Variants in GRID2IP observed in about 807,000 individuals in gnomAD.
GRID2IP encodes delphilin.
Under a neutral mutation model 114.3 loss-of-function variants are expected in GRID2IP, and 78 were observed. The ratio of observed to expected loss-of-function variants is 0.68; its 90% CI spans 0.57 to 0.82. The LOEUF (loss-of-function observed/expected upper bound fraction) is 0.82, where lower values mean the gene tolerates loss of function less well. Ranked by LOEUF, GRID2IP falls within the 40% of genes least tolerant of loss-of-function variation. The probability of loss-of-function intolerance (pLI) is 0.00; values close to 1 mark genes in which losing one functional copy is unlikely to be tolerated. For synonymous variants in GRID2IP, 809 were observed against 724.0 expected, an observed-to-expected ratio of 1.12 and a Z score of -1.89; for missense variants, 1,727 against 1,678.5, an observed-to-expected ratio of 1.03 and a Z score of -0.51.
intron 14 of GRID2IP, 74 bp downstream of exon 14, chr7:6,505,746 G>C (rs1239907947): frequency 3.3e-6 from 3 of 919,786 alleles, no homozygotes; most frequent in Non-Finnish European, 5.2e-6. Context: ...GTGCAGCCCT[G>C]GGAGATGCTA....
At chr7:6,505,026 G>A (rs559482539) in intron 14 of GRID2IP, among the ~76,000 whole-genome samples, 156 bp from the exon 15 acceptor site, 22 of 152,244 alleles carry the variant, frequency 1.4e-4, no homozygotes, top group Non-Finnish European at 2.6e-4. Context: ...TCCTCAGGTC[G>A]GGGACCTTCA....
intron 20 of GRID2IP, among the ~76,000 whole-genome samples, chr7:6,499,028 A>G (rs953334347): frequency 1.3e-5 from 2 of 152,220 alleles, no homozygotes; most frequent in Non-Finnish European, 2.9e-5. Flanking sequence ...AGTCTTGCAA[A>G]AAGATTCAGT....
At chr7:6,531,265 G>GGCCCCGCCCCCTCCAGGTA in intron 2 of GRID2IP, 5 of 408,504 alleles carry the variant, frequency 1.2e-5, no homozygotes, top group Admixed American at 8.9e-5. Context: ...CCCTTTTGGT[G>GGCCCCGCCCCCTCCAGGTA]GCCCCGCCCC....
In GRID2IP at chr7:6,498,235, G is replaced by T. The variant is rs1195385688; in HGVS notation, c.3400-7C>A. 2 of 1,534,368 alleles carry T rather than the reference G, an allele frequency of 1.3e-6. No homozygotes were observed. Among genetic ancestry groups the T allele is most frequent in the Non-Finnish European group, 1.8e-6 (2 of 1,140,600 alleles). On this transcript the variant is annotated splice_region_variant and splice_polypyrimidine_tract_variant and intron_variant, in intron 20 of 21. Transcript: ENST00000457091. The stretch of plus-strand genomic sequence containing the variant: ...GGGCCGTCTCCAGGAAGGACTGACA[G>T]GCCTCAGTTAAGGAAACAGCCAGCC...
In GRID2IP at chr7:6,523,467, A is replaced by C. The variant is rs913141676; in HGVS notation, c.920-1510T>G. ...AGCCTCTCCAGGCCTCAGTTTCCCC[A>C]TCTGTAAAAGCTTCCATCTAAGCAT... On this transcript the variant is annotated intron_variant, in intron 4 of 21. Coordinates refer to ENST00000457091, the MANE Select transcript of GRID2IP (RefSeq NM_001145118.2). This position sits in a 1 kb window ranked among gnomAD's most constrained non-coding sequence, Gnocchi z 4.5. Among the ~76,000 whole-genome samples the C allele has an allele frequency of 6.6e-6, 1 of 152,214 alleles. No individual in the cohort carries two copies. Among genetic ancestry groups the C allele is most frequent in the East Asian group, 1.9e-4 (1 of 5,182 alleles).
chr7:6,543,160 G>A (rs1251739856), intron 1 of GRID2IP, among the ~76,000 whole-genome samples: 2 of 152,104 alleles, frequency 1.3e-5, no homozygotes, highest in Non-Finnish European at 2.9e-5. Context: ...TTTGGGAGGC[G>A]AAGGTGGGTG....
chr7:6,514,385 C>G lies in GRID2IP; in HGVS notation c.1413G>C (p.Thr471=), dbSNP rs368830346. The change falls in exon 8 of 22, where the codon ACG becomes ACC. Residue 471 remains threonine, a synonymous_variant. Transcript: ENST00000457091. ...GGAGAGGACGCTTACCTGTCATGGC[C>G]GTGTAGCCCAGGAAGCATGCGATTT... is the stretch of plus-strand genomic sequence containing the variant. ...QEKIACFLGY[T]AMTAEPEPEL... The G allele has an allele frequency of 1.3e-6, 2 of 1,523,106 alleles. No individual in the cohort carries two copies. Among genetic ancestry groups the G allele is most frequent in the Non-Finnish European group, 1.8e-6 (2 of 1,129,526 alleles). 94.3% of individuals were successfully genotyped at this position (1,523,106 alleles called of 1,614,324 possible).
At chr7:6,501,756 C>G (rs535995298) in intron 20 of GRID2IP, 25 bp downstream of exon 20, 18 of 1,515,254 alleles carry the variant, frequency 1.2e-5, no homozygotes, top group Non-Finnish European at 1.6e-5. Context: ...CAGCCTGGTG[C>G]AGGAACAGGC....
At chr7:6,505,975 AC>A in intron 13 of GRID2IP, 68 bp from the exon 14 acceptor site, 2 of 1,128,284 alleles carry the variant, frequency 1.8e-6, no homozygotes, top group Admixed American at 4.0e-5. Context: ...CCCACTTCCC[AC>A]CCTCTGAGGG....
intron 18 of GRID2IP, 53 bp from the exon 19 acceptor site, chr7:6,502,171 CACATGGGCCCAG>C: frequency 1.3e-6 from 2 of 1,506,072 alleles, no homozygotes; most frequent in Non-Finnish European, 1.8e-6. Context: ...CAGATGGGGT[CACATGGGCCCAG>C]CTTCTCCTGG....
intron 1 of GRID2IP, among the ~76,000 whole-genome samples, chr7:6,546,228 C>A (rs1229714954): frequency 6.6e-6 from 1 of 151,204 alleles, no homozygotes; most frequent in Admixed American, 6.6e-5. Flanking sequence ...AAGGCAGAGG[C>A]AGGTGGATCA....
chr7:6,510,753 GC>G, intron 9 of GRID2IP, 47 bp from the exon 10 acceptor site: 1 of 1,512,030 alleles, frequency 6.6e-7, no homozygotes, highest in Non-Finnish European at 9.0e-7. Flanking sequence ...TACGGCTCAG[GC>G]CCCGGCCCAG....
At position 6,508,481 on chromosome 7, in the gene GRID2IP, G is replaced by T; in HGVS notation, c.2128-80C>A. 6.5e-7 allele frequency: 1 copy of T among 1,536,492 alleles called. No homozygotes were observed. The highest frequency in any genetic ancestry group is 1.2e-5 in the South Asian group (1 of 81,738). On this transcript the variant is annotated intron_variant, in intron 12 of 21. Coordinates refer to ENST00000457091, the MANE Select transcript of GRID2IP (RefSeq NM_001145118.2). This position sits in a 1 kb window ranked among gnomAD's most constrained non-coding sequence, Gnocchi z 5.6. ...AGCAGGTGCAAAGTGAAGGATCATG[G>T]GATAGCCTGGGACAAGGACAGGGCC...
intron 20 of GRID2IP, among the ~76,000 whole-genome samples, chr7:6,500,356 C>T (rs756956192): frequency 3.3e-5 from 5 of 151,928 alleles, no homozygotes; most frequent in Admixed American, 6.6e-5. Context: ...CCCAGCTACT[C>T]GGGAGGCTGA....
intron 20 of GRID2IP, 78 bp downstream of exon 20, chr7:6,501,703 G>T: frequency 9.9e-7 from 1 of 1,006,262 alleles, no homozygotes; most frequent in Non-Finnish European, 1.5e-6. Flanking sequence ...GTCTCCAGCG[G>T]CCACTGGAGC....
In GRID2IP at chr7:6,537,370, C is replaced by CTTTTT. The variant is rs772469574; in HGVS notation, c.584+2343_584+2347dup. Among the ~76,000 whole-genome samples the CTTTTT allele has an allele frequency of 8.2e-4, 48 of 58,374 alleles. 1 individual carries two copies. Among genetic ancestry groups the CTTTTT allele is most frequent in the Admixed American group, 1.7e-3 (6 of 3,604 alleles). 38.3% of individuals were successfully genotyped at this position (58,374 alleles called of 152,430 possible). A position where few individuals can be genotyped will look rare whatever the true frequency, so the allele number is the denominator to read the frequency against. On this transcript the variant is annotated intron_variant, in intron 2 of 21. Coordinates refer to ENST00000457091, the MANE Select transcript of GRID2IP (RefSeq NM_001145118.2). ...ACCAGCCTGGCAAATATGGTGAGAC[C>CTTTTT]TTTTTTTTTTTTTTTTTTTTTTTTT...
chr7:6,509,157 G>A lies in GRID2IP; in HGVS notation c.1928C>T (p.Pro643Leu). 3 of 1,470,848 alleles carry A rather than the reference G, an allele frequency of 2.0e-6. No homozygotes were observed. The highest frequency in any genetic ancestry group is 2.7e-6 in the Non-Finnish European group (3 of 1,110,388). The allele number at this position is 1,470,848 out of a possible 1,614,324, so 91.1% of individuals were successfully genotyped here. Residue 643 changes from proline to leucine, a missense_variant, in exon 12 of 22, where the codon CCA (proline) becomes CTA (leucine). By Grantham distance (98) the Pro-to-Leu change is moderately conservative. Coordinates refer to ENST00000457091, the MANE Select transcript of GRID2IP (RefSeq NM_001145118.2). This position sits in a 1 kb window ranked among gnomAD's most constrained non-coding sequence, Gnocchi z 4.9. ...GTCGGGGCAGATGGGCCCGGGGCCT[G>A]GCTGTGGGGAGGGTGCCCTGCTGCT... The part of the protein sequence containing the change: ...LDSSRAPSPQ[P>L]GPGPICPDSP...
Position 6,521,849 on chromosome 7 carries a change from GCTC to G in GRID2IP, c.989+36_989+38del. ...AGGAGTCTTGCAGGGGGTGGGGGCA[GCTC>G]CTCACCAACCCCTGGTGTCCCCAAT... is the stretch of plus-strand genomic sequence containing the variant. On this transcript the variant is annotated intron_variant, in intron 5 of 21. Transcript: ENST00000457091. The surrounding 1 kb of genome is among the most constrained non-coding windows in gnomAD (Gnocchi z 4.1). The G allele has an allele frequency of 6.9e-7, 1 of 1,456,166 alleles. No individual in the cohort carries two copies. The highest frequency in any genetic ancestry group is 9.4e-7 in the Non-Finnish European group (1 of 1,060,472). The allele number at this position is 1,456,166 out of a possible 1,614,324, so 90.2% of individuals were successfully genotyped here.
At chr7:6,529,216 C>T (rs553622617) in intron 2 of GRID2IP, among the ~76,000 whole-genome samples, 3 of 152,028 alleles carry the variant, frequency 2.0e-5, no homozygotes, top group African/African-American at 7.2e-5. Flanking sequence ...TTTAGGAGGC[C>T]GAGGCAGGCA....
Sources: gnomAD v4.1 joint callset for allele counts (sites outside exome capture counted in the v4.1 genomes callset) on GRCh38, gnomAD v4.1.1 for gene constraint, Gnocchi (gnomAD v3.1) non-coding constraint, MANE v1.5 for transcripts, NCBI Gene and HGNC (gene_info 2026-07-23, HGNC 2026-07-21) for gene names.